AGBL4: variants seen among roughly 807,000 people sequenced by gnomAD.
The protein encoded by AGBL4 is cytosolic carboxypeptidase 6.
In AGBL4, 58 loss-of-function variants were observed where a neutral mutation model predicts 66.4. The ratio of observed to expected loss-of-function variants is 0.87; its 90% CI spans 0.71 to 1.09. AGBL4 has a LOEUF of 1.09. Ranked by LOEUF, AGBL4 falls within the 50% of genes least tolerant of loss-of-function variation. The pLI is 0.00. For synonymous variants in AGBL4, 234 were observed against 222.9 expected, an observed-to-expected ratio of 1.05 and a Z score of -0.44; for missense variants, 579 against 631.0, an observed-to-expected ratio of 0.92 and a Z score of 0.88.
At chr1:48,761,709 G>A (rs1373285256) in intron 6 of AGBL4, among the ~76,000 whole-genome samples, 2 of 152,236 alleles carry the variant, frequency 1.3e-5, no homozygotes, top group Non-Finnish European at 2.9e-5. Context: ...ATAGCAGCCA[G>A]TGAATTTGCT....
chr1:48,689,394 TACC>T (rs1646589742), intron 6 of AGBL4, among the ~76,000 whole-genome samples: 2 of 150,118 alleles, frequency 1.3e-5, no homozygotes, highest in African/African-American at 2.5e-5. Flanking sequence ...CCTACCTACC[TACC>T]TACCTACCTT....
chr1:48,894,220 G>T (rs1651283878), intron 5 of AGBL4, among the ~76,000 whole-genome samples: 1 of 152,168 alleles, frequency 6.6e-6, no homozygotes, highest in African/African-American at 2.4e-5. Flanking sequence ...CATTAAGAAA[G>T]ACAATAGTTA....
At chr1:49,775,305 T>C (rs1196802159) in intron 2 of AGBL4, among the ~76,000 whole-genome samples, 1 of 152,186 alleles carries the variant, frequency 6.6e-6, no homozygotes, top group African/African-American at 2.4e-5. Flanking sequence ...AACATTGCTG[T>C]GTATATTAAA....
intron 3 of AGBL4, among the ~76,000 whole-genome samples, chr1:49,521,870 C>T (rs1362247746): frequency 6.6e-6 from 1 of 151,608 alleles, no homozygotes; most frequent in African/African-American, 2.4e-5. Flanking sequence ...AGCAAACAGA[C>T]AACCCATAGA....
intron 3 of AGBL4, among the ~76,000 whole-genome samples, chr1:49,663,732 G>C (rs977783020): frequency 1.3e-5 from 2 of 151,052 alleles, no homozygotes; most frequent in Admixed American, 1.3e-4. Context: ...TATGACAGTA[G>C]AAATGAAAAA....
chr1:49,004,560 G>A (rs1168016999), intron 5 of AGBL4, among the ~76,000 whole-genome samples: 2 of 152,098 alleles, frequency 1.3e-5, no homozygotes, highest in Non-Finnish European at 2.9e-5. Flanking sequence ...TGGGCACTGG[G>A]GACACAGTGA....
chr1:49,057,905 G>A (rs1458399881), intron 4 of AGBL4, among the ~76,000 whole-genome samples: 1 of 152,122 alleles, frequency 6.6e-6, no homozygotes, highest in Non-Finnish European at 1.5e-5. Flanking sequence ...ATGTGTATTG[G>A]TGAGGGGATA....
At chr1:49,766,510 A>C (rs1411791615) in intron 2 of AGBL4, among the ~76,000 whole-genome samples, 2 of 152,138 alleles carry the variant, frequency 1.3e-5, no homozygotes, top group African/African-American at 4.8e-5. Context: ...ACCCCTATAA[A>C]GCAACTACTC....
At chr1:48,663,113 G>T in intron 7 of AGBL4, 39 bp downstream of exon 7, 1 of 1,589,646 alleles carries the variant, frequency 6.3e-7, no homozygotes, top group Non-Finnish European at 8.6e-7. Context: ...GTCCCAGTTG[G>T]ATGTGGGTAT....
intron 4 of AGBL4, among the ~76,000 whole-genome samples, chr1:49,226,504 T>C (rs1476436789): frequency 6.6e-6 from 1 of 152,182 alleles, no homozygotes; most frequent in African/African-American, 2.4e-5. Flanking sequence ...CCTTCCTTAA[T>C]GTCTCTCCTG....
intron 2 of AGBL4, among the ~76,000 whole-genome samples, chr1:49,779,848 G>C (rs1168396160): frequency 6.6e-6 from 1 of 152,042 alleles, no homozygotes; most frequent in Non-Finnish European, 1.5e-5. Context: ...GGAATGGCAA[G>C]TAAGATAAAT....
At chr1:49,764,842 G>C (rs1188295548) in intron 2 of AGBL4, among the ~76,000 whole-genome samples, 1 of 152,140 alleles carries the variant, frequency 6.6e-6, no homozygotes, top group East Asian at 1.9e-4. Context: ...CGCAAAAATA[G>C]GTGTTTCCTG....
intron 5 of AGBL4, among the ~76,000 whole-genome samples, chr1:48,943,943 A>G (rs1205407773): frequency 6.6e-6 from 1 of 152,206 alleles, no homozygotes; most frequent in East Asian, 1.9e-4. Flanking sequence ...TAAAGACAAC[A>G]GAACAATAGC....
intron 6 of AGBL4, among the ~76,000 whole-genome samples, chr1:48,720,409 G>C (rs533248191): frequency 1.3e-5 from 2 of 152,204 alleles, no homozygotes; most frequent in Non-Finnish European, 2.9e-5. Flanking sequence ...ACAATGTTGA[G>C]AGATCTAAGG....
intron 2 of AGBL4, among the ~76,000 whole-genome samples, chr1:49,822,482 C>T (rs184065511): frequency 2.8e-4 from 42 of 152,114 alleles, no homozygotes; most frequent in Admixed American, 1.5e-3. Flanking sequence ...GTGCTCACAA[C>T]GCCTGGCTAA....
intron 6 of AGBL4, among the ~76,000 whole-genome samples, chr1:48,814,613 T>C (rs946116666): frequency 2.0e-5 from 3 of 150,376 alleles, no homozygotes; most frequent in Admixed American, 6.6e-5. Flanking sequence ...GATCAACTTT[T>C]TTTTTTTTTT....
chr1:49,706,199 G>A (rs1409449103), intron 2 of AGBL4, among the ~76,000 whole-genome samples: 1 of 152,106 alleles, frequency 6.6e-6, no homozygotes, highest in Non-Finnish European at 1.5e-5. Context: ...TGGTTGGTAG[G>A]CTCTTAATTA....
intron 3 of AGBL4, among the ~76,000 whole-genome samples, chr1:49,676,302 C>T (rs1442218557): frequency 1.3e-5 from 2 of 152,002 alleles, no homozygotes; most frequent in African/African-American, 4.8e-5. Flanking sequence ...GTCTAGGACT[C>T]AGTCTGTATT....
intron 4 of AGBL4, among the ~76,000 whole-genome samples, chr1:49,180,596 G>T (rs1646913658): frequency 1.3e-5 from 2 of 152,128 alleles, no homozygotes; most frequent in Non-Finnish European, 2.9e-5. Flanking sequence ...TCTCCATTTA[G>T]TCCCTGATCA....
Sources: allele counts gnomAD v4.1 joint callset (sites outside exome capture counted in the v4.1 genomes callset), GRCh38; gene constraint gnomAD v4.1.1; transcripts MANE v1.5; gene names NCBI Gene and HGNC (gene_info 2026-07-23, HGNC 2026-07-21).